Variants in RALGAPA1 observed in about 807,000 individuals in gnomAD.
The protein encoded by RALGAPA1 is ral GTPase-activating protein subunit alpha-1.
Under a neutral mutation model 269.6 loss-of-function variants are expected in RALGAPA1, and 52 were observed. The ratio of observed to expected loss-of-function variants is 0.19; its 90% confidence interval spans 0.15 to 0.24. RALGAPA1 has a LOEUF of 0.24. Among genes scored for constraint, RALGAPA1 ranks in the 10% least tolerant of loss-of-function variants. RALGAPA1 has a pLI of 1.00. For missense variants in RALGAPA1, 1,917 were observed against 3,013.9 expected (o/e 0.64, Z 8.52); for synonymous variants, 817 against 1,008.3 (o/e 0.81, Z 3.60).
rs754492970 is a variant in RALGAPA1 at position 35,595,641 on chromosome 14, G to T, written c.7202C>A (p.Thr2401Asn). The change falls in exon 37 of 42, where the codon ACC becomes AAC. Residue 2401 changes from threonine to asparagine, a missense_variant. Physicochemically the swap from Thr to Asn is moderately conservative, Grantham distance 65. Transcript: ENST00000680220. ...RMPSDSDDSL[T>N]KKLRHLGNDE... ...GCACTTCTCAGCACTTACTTTTTTGGTCAAAGAATCATCAGAATCAGAAGG... is the reference window on the plus strand; with the variant it reads ...GCACTTCTCAGCACTTACTTTTTTGTTCAAAGAATCATCAGAATCAGAAGG... The T allele has an allele frequency of 6.2e-7, 1 of 1,610,644 alleles. No homozygotes were observed. Among genetic ancestry groups the T allele is most frequent in the Admixed American group, 1.7e-5 (1 of 59,932 alleles).
intron 16 of RALGAPA1, among the ~76,000 whole-genome samples, chr14:35,719,778 C>T (rs750896347): frequency 1.4e-5 from 1 of 71,858 alleles, no homozygotes; most frequent in Non-Finnish European, 2.2e-5. Flanking sequence ...CGCCCTCTGT[C>T]GCTCCCTCTG....
At chr14:35,604,206 C>T (rs1437994305) in intron 36 of RALGAPA1, among the ~76,000 whole-genome samples, 1 of 151,888 alleles carries the variant, frequency 6.6e-6, no homozygotes, top group African/African-American at 2.4e-5. Context: ...ACCACCTTGA[C>T]CTAATTGACA....
Position 35,663,523 on chromosome 14 carries a change from T to C in RALGAPA1, c.5328+1119A>G, listed in dbSNP as rs180807666. ...ATTCTAGGGACCAATTCAGGTCACA[T>C]ACAAAGACCATCTGGCAATTACTGT... On this transcript the variant is annotated intron_variant, in intron 27 of 41. Transcript: ENST00000680220. Among the ~76,000 whole-genome samples the C allele has an allele frequency of 2.2e-4, 33 of 151,564 alleles. 1 individual carries two copies. Among genetic ancestry groups the C allele is most frequent in the Admixed American group, 1.0e-3 (16 of 15,244 alleles).
intron 16 of RALGAPA1, among the ~76,000 whole-genome samples, chr14:35,704,922 G>C (rs1347625949): frequency 1.3e-5 from 2 of 151,976 alleles, no homozygotes; most frequent in Non-Finnish European, 2.9e-5. Context: ...ACTAAAAAAT[G>C]AATTAAAAAT....
intron 27 of RALGAPA1, among the ~76,000 whole-genome samples, chr14:35,662,268 G>C (rs147631410): frequency 6.6e-6 from 1 of 152,130 alleles, no homozygotes; most frequent in African/African-American, 2.4e-5. Flanking sequence ...AAGAAGAGGA[G>C]AGCAGAATTA....
chr14:35,710,266 C>CT (rs1226427856), intron 16 of RALGAPA1, among the ~76,000 whole-genome samples: 8 of 151,574 alleles, frequency 5.3e-5, no homozygotes, highest in African/African-American at 1.2e-4. Context: ...AATTAATCAT[C>CT]TTTTTTTTTC....
At chr14:35,543,514 C>T (rs1276301984) in intron 41 of RALGAPA1, among the ~76,000 whole-genome samples, 1 of 152,164 alleles carries the variant, frequency 6.6e-6, no homozygotes, top group East Asian at 1.9e-4. Flanking sequence ...TAAAATATAA[C>T]CTTATATTAA....
chr14:35,750,783 T>C (rs2072608934), intron 8 of RALGAPA1, 93 bp from the exon 9 acceptor site: 3 of 1,073,554 alleles, frequency 2.8e-6, no homozygotes, highest in Non-Finnish European at 4.0e-6. Flanking sequence ...AAAATATTGT[T>C]ATGCTACTCT....
chr14:35,769,025 AAAAAAAAAAAATATAT>A lies in RALGAPA1; in HGVS notation c.325+1901_325+1916del, dbSNP rs1411170141. ...CTCCGTCTCAAAAAAAAAAAAAAAA[AAAAAAAAAAAATATAT>A]ATATATATATATATATATATATATA... On this transcript the variant is annotated intron_variant, in intron 4 of 41. Coordinates refer to ENST00000680220, the MANE Select transcript of RALGAPA1 (RefSeq NM_001346249.2). Among the ~76,000 whole-genome samples the A allele has an allele frequency of 7.1e-5, 7 of 98,560 alleles. No individual in the cohort carries two copies. In the East Asian group the frequency reaches 1.1e-3, roughly 15 times the overall value. The allele number at this position is 98,560 out of a possible 152,430, so 64.7% of individuals were successfully genotyped here.
chr14:35,549,018 A>C lies in RALGAPA1; in HGVS notation c.7621+92T>G, dbSNP rs570031690. 336 of 1,392,826 alleles carry C rather than the reference A, an allele frequency of 2.4e-4. 7 individuals carry two copies. In the South Asian group the frequency reaches 3.3e-3, roughly 14 times the overall value. 86.3% of individuals were successfully genotyped at this position (1,392,826 alleles called of 1,614,324 possible). ...GTGATTAAAAATTCATATTTCAATGATTAGAATTTTTTTCAAGCAAGTTTT... is the reference window on the plus strand; with the variant it reads ...GTGATTAAAAATTCATATTTCAATGCTTAGAATTTTTTTCAAGCAAGTTTT... On this transcript the variant is annotated intron_variant, in intron 40 of 41. Coordinates refer to ENST00000680220, the MANE Select transcript of RALGAPA1 (RefSeq NM_001346249.2).
At chr14:35,724,149 A>G (rs114188488) in intron 14 of RALGAPA1, among the ~76,000 whole-genome samples, 3,261 of 152,220 alleles carry the variant, frequency 0.021, 119 homozygotes, top group African/African-American at 0.074. Context: ...ATCTTCCTGT[A>G]GCTCCCATCA....
chr14:35,642,774 G>T (rs1016489801), intron 31 of RALGAPA1, among the ~76,000 whole-genome samples: 1 of 152,114 alleles, frequency 6.6e-6, no homozygotes, highest in Admixed American at 6.5e-5. Flanking sequence ...AGACAGTGTG[G>T]CAATTCCTCA....
chr14:35,725,502 T>C (rs541787721), intron 13 of RALGAPA1, among the ~76,000 whole-genome samples: 13 of 152,188 alleles, frequency 8.5e-5, no homozygotes, highest in Non-Finnish European at 1.9e-4. Flanking sequence ...CTACACAATA[T>C]AGTTCTACCC....
intron 9 of RALGAPA1, 24 bp from the exon 10 acceptor site, chr14:35,748,848 A>AG (rs55633215): frequency 0.035 from 54,302 of 1,530,406 alleles, 269 homozygotes; most frequent in Middle Eastern, 0.044. Flanking sequence ...AAAAAAAAAA[A>AG]AGAGAGAAAC....
chr14:35,562,909 G>A (rs1347862669), intron 39 of RALGAPA1, among the ~76,000 whole-genome samples: 4 of 150,380 alleles, frequency 2.7e-5, no homozygotes, highest in East Asian at 2.0e-4. Context: ...TAGTCCCAGC[G>A]ACTCGGGAGG....
chr14:35,746,020 T>C (rs1316047030), intron 10 of RALGAPA1, among the ~76,000 whole-genome samples: 1 of 151,608 alleles, frequency 6.6e-6, no homozygotes, highest in East Asian at 1.9e-4. Flanking sequence ...GAGCAGTGAG[T>C]TGTGATCACA....
At chr14:35,720,241 A>T in intron 16 of RALGAPA1, among the ~76,000 whole-genome samples, 1 of 152,320 alleles carries the variant, frequency 6.6e-6, no homozygotes. Context: ...AGCTTGGAAT[A>T]TACAATTAAT....
intron 39 of RALGAPA1, among the ~76,000 whole-genome samples, chr14:35,569,867 T>C (rs140042292): frequency 1.3e-4 from 20 of 152,262 alleles, no homozygotes; most frequent in African/African-American, 2.4e-4. Flanking sequence ...CCCAACTAGA[T>C]TGAATTATTT....
chr14:35,589,843 G>T (rs1279964749), intron 37 of RALGAPA1, among the ~76,000 whole-genome samples: 1 of 152,036 alleles, frequency 6.6e-6, no homozygotes, highest in Non-Finnish European at 1.5e-5. Context: ...GGGACTACAG[G>T]CATGCACCAC....
Sources: allele counts gnomAD v4.1 joint callset (sites outside exome capture counted in the v4.1 genomes callset), GRCh38; gene constraint gnomAD v4.1.1; transcripts MANE v1.5; gene names NCBI Gene and HGNC (gene_info 2026-07-23, HGNC 2026-07-21).